Variants in DCDC2C observed in about 807,000 individuals in gnomAD.
DCDC2C encodes doublecortin domain containing 2C.
A neutral mutation model predicts 45.0 loss-of-function variants in DCDC2C; 44 were observed. The observed-to-expected ratio is 0.98, with a 90% CI of 0.77 to 1.26. The LOEUF is 1.26. DCDC2C is among the 50% of genes most tolerant of loss of function. The pLI is 0.00. For missense variants in DCDC2C, 447 were observed against 468.9 expected (o/e 0.95, Z 0.43); for synonymous variants, 187 against 178.8 (o/e 1.05, Z -0.37).
intron 10 of DCDC2C, among the ~76,000 whole-genome samples, chr2:3,805,720 C>T (rs539446982): frequency 3.9e-5 from 6 of 152,306 alleles, no homozygotes; most frequent in East Asian, 1.9e-4. Flanking sequence ...CCACATGCTT[C>T]GGATGATGCT....
Position 3,743,855 on chromosome 2 carries a change from G to T in DCDC2C, c.545+1807G>T, listed in dbSNP as rs546025184. ...GGCCGAGGCCGGTGGATCACCTGAA[G>T]TCAGGAGTTCAAGACCAGCCTGGCC... is the stretch of plus-strand genomic sequence containing the variant. On this transcript the variant is annotated intron_variant, in intron 4 of 10. Transcript: ENST00000399143. Among the ~76,000 whole-genome samples the T allele has an allele frequency of 2.0e-4, 31 of 152,282 alleles. No individual in the cohort carries two copies. The South Asian group carries it at 6.4e-3, about 32-fold the overall frequency.
At chr2:3,821,734 C>G (rs558680919) in intron 10 of DCDC2C, among the ~76,000 whole-genome samples, 3 of 152,292 alleles carry the variant, frequency 2.0e-5, no homozygotes, top group African/African-American at 7.2e-5. Context: ...GGGGTAAACC[C>G]CACTTGTTCA....
chr2:3,738,471 A>G (rs560138013), intron 3 of DCDC2C, among the ~76,000 whole-genome samples: 3 of 149,524 alleles, frequency 2.0e-5, no homozygotes, highest in Admixed American at 6.7e-5. Flanking sequence ...AATTGAGATG[A>G]ACTATATGAT....
At chr2:3,839,275 CG>C (rs1672153400) in intron 10 of DCDC2C, among the ~76,000 whole-genome samples, 1 of 152,108 alleles carries the variant, frequency 6.6e-6, no homozygotes, top group African/African-American at 2.4e-5. Flanking sequence ...TATCTATCTC[CG>C]GGTTTCTAAC....
chr2:3,741,188 C>G (rs1042649101), intron 3 of DCDC2C, among the ~76,000 whole-genome samples: 2 of 151,998 alleles, frequency 1.3e-5, no homozygotes, highest in African/African-American at 4.8e-5. Flanking sequence ...ATTGAAGTTG[C>G]CTTAAAACTC....
At chr2:3,727,189 TC>T in intron 3 of DCDC2C, 110 bp downstream of exon 3, 3 of 799,926 alleles carry the variant, frequency 3.8e-6, no homozygotes, top group Non-Finnish European at 6.0e-6. Flanking sequence ...CCTCCTCCCC[TC>T]CCCTCCCCCT....
chr2:3,767,718 T>C, intron 6 of DCDC2C, 36 bp from the exon 7 acceptor site: 29 of 1,549,056 alleles, frequency 1.9e-5, no homozygotes, highest in Non-Finnish European at 2.5e-5. Context: ...ATCCCACTGT[T>C]CTTAATGGAC....
chr2:3,749,470 G>T (rs1296582037), intron 4 of DCDC2C, among the ~76,000 whole-genome samples: 1 of 152,200 alleles, frequency 6.6e-6, no homozygotes, highest in South Asian at 2.1e-4. Flanking sequence ...ATCACATACA[G>T]GCTCACATCT....
chr2:3,801,713 T>C (rs1038262447), intron 10 of DCDC2C, among the ~76,000 whole-genome samples: 4 of 152,220 alleles, frequency 2.6e-5, no homozygotes, highest in Non-Finnish European at 5.9e-5. Flanking sequence ...GCTCCTTGGC[T>C]TCTGTACTGG....
At chr2:3,716,649 C>G (rs1668358420) in intron 2 of DCDC2C, among the ~76,000 whole-genome samples, 1 of 152,094 alleles carries the variant, frequency 6.6e-6, no homozygotes, top group Non-Finnish European at 1.5e-5. Context: ...GTAGCCATTG[C>G]AGAGGGAAAA....
At chr2:3,718,697 C>G (rs137877618) in intron 2 of DCDC2C, among the ~76,000 whole-genome samples, 79 of 152,300 alleles carry the variant, frequency 5.2e-4, no homozygotes, top group African/African-American at 1.8e-3. Flanking sequence ...CACTCTGAAA[C>G]AAGCTCTGTG....
At chr2:3,753,819 G>T (rs1440322937) in intron 5 of DCDC2C, among the ~76,000 whole-genome samples, 3 of 152,178 alleles carry the variant, frequency 2.0e-5, no homozygotes, top group Non-Finnish European at 4.4e-5. Flanking sequence ...GGCAGAGAAA[G>T]GCTCCCTTTG....
chr2:3,824,884 C>G (rs1389574185), intron 10 of DCDC2C, among the ~76,000 whole-genome samples: 1 of 152,116 alleles, frequency 6.6e-6, no homozygotes, highest in Non-Finnish European at 1.5e-5. Context: ...GGTCCTGCCT[C>G]TTCTCTGGCA....
chr2:3,814,698 C>T (rs1240769811), intron 10 of DCDC2C, among the ~76,000 whole-genome samples: 1 of 152,246 alleles, frequency 6.6e-6, no homozygotes, highest in Admixed American at 6.5e-5. Context: ...TGTGGCCACC[C>T]CTCCCATTAG....
intron 8 of DCDC2C, among the ~76,000 whole-genome samples, chr2:3,776,845 CCTT>C (rs1259285544): frequency 6.6e-6 from 1 of 152,178 alleles, no homozygotes; most frequent in East Asian, 1.9e-4. Flanking sequence ...TGTCCTCAAA[CCTT>C]CTTCTCTGCA....
chr2:3,809,064 G>A (rs1671326750), intron 10 of DCDC2C, among the ~76,000 whole-genome samples: 1 of 152,086 alleles, frequency 6.6e-6, no homozygotes, highest in African/African-American at 2.4e-5. Flanking sequence ...CCATATTTGT[G>A]TTGGTTTGTT....
intron 10 of DCDC2C, among the ~76,000 whole-genome samples, chr2:3,788,785 T>TCTTCCTCCCTTCCTTCCCTCC (rs1558228321): frequency 2.4e-4 from 23 of 96,242 alleles, no homozygotes; most frequent in Non-Finnish European, 4.9e-4. Context: ...CGTTTCCCTT[T>TCTTCCTCCCTTCCTTCCCTCC]CTTCCTCCCT....
intron 2 of DCDC2C, among the ~76,000 whole-genome samples, chr2:3,709,252 A>C (rs1222604880): frequency 6.6e-6 from 1 of 152,190 alleles, no homozygotes; most frequent in East Asian, 1.9e-4. Context: ...TCTAAGTTGC[A>C]ATGTTGCTGT....
intron 5 of DCDC2C, among the ~76,000 whole-genome samples, chr2:3,754,126 G>A (rs144412496): frequency 1.0e-3 from 155 of 152,268 alleles, no homozygotes; most frequent in South Asian, 4.3e-3. Context: ...TCCCCTTGCC[G>A]AAGTTGTTGA....
Sources: gnomAD v4.1 joint callset for allele counts (sites outside exome capture counted in the v4.1 genomes callset) on GRCh38, gnomAD v4.1.1 for gene constraint, MANE v1.5 for transcripts, NCBI Gene and HGNC (gene_info 2026-07-23, HGNC 2026-07-21) for gene names.